CHAF1A: variants seen among roughly 807,000 people sequenced by gnomAD.
CHAF1A encodes the protein CAF-1 subunit A.
In CHAF1A, 5 loss-of-function variants were observed where a neutral mutation model predicts 93.2. The observed-to-expected ratio is 0.05, with a 90% CI of 0.03 to 0.11. The LOEUF (loss-of-function observed/expected upper bound fraction) is 0.11, where lower values mean the gene tolerates loss of function less well. CHAF1A is among the 10% of genes least tolerant of loss of function. CHAF1A has a pLI of 1.00. For synonymous variants in CHAF1A, 504 were observed against 510.3 expected, an observed-to-expected ratio of 0.99 and a Z score of 0.17; for missense variants, 1,102 against 1,259.9, an observed-to-expected ratio of 0.87 and a Z score of 1.90.
At chr19:4,444,001 G>A (rs931494626), downstream of CHAF1A, among the ~76,000 whole-genome samples, 3 of 152,206 alleles carry the variant, frequency 2.0e-5, no homozygotes, top group Non-Finnish European at 4.4e-5. Flanking sequence ...AGTCAGGGAC[G>A]GCAGGGCGCC....
chr19:4,429,347 T>C (rs1974139497), intron 8 of CHAF1A, 91 bp from the exon 9 acceptor site: 5 of 1,435,188 alleles, frequency 3.5e-6, no homozygotes, highest in East Asian at 4.6e-5. Context: ...TTTCTAGAAT[T>C]GTTAGGCCAG....
chr19:4,446,978 AC>A, downstream of CHAF1A: 1 of 1,545,018 alleles, frequency 6.5e-7, no homozygotes, highest in Non-Finnish European at 8.9e-7. Context: ...GCCTGGCCAC[AC>A]CCCACCCAGT....
downstream of CHAF1A, chr19:4,446,492 A>G (rs1018118669): frequency 6.2e-7 from 1 of 1,604,106 alleles, no homozygotes; most frequent in Non-Finnish European, 8.5e-7. Flanking sequence ...CGCGGACGTC[A>G]GGCCCACCTG....
At chr19:4,410,386 CTTT>C (rs71166992) in intron 3 of CHAF1A, among the ~76,000 whole-genome samples, 1 of 137,500 alleles carries the variant, frequency 7.3e-6, no homozygotes. Context: ...AAAAAAATTA[CTTT>C]TTTTTTTTTT....
chr19:4,404,567 A>G (rs1973646264), intron 1 of CHAF1A, among the ~76,000 whole-genome samples: 1 of 152,152 alleles, frequency 6.6e-6, no homozygotes, highest in African/African-American at 2.4e-5. Flanking sequence ...TTTTCTCAGT[A>G]CCTTTTCTTA....
rs764500811 is a variant in CHAF1A, at chr19:4,409,044, G to T, written c.245G>T (p.Gly82Val). The change falls in exon 3 of 15, where the codon GGT becomes GTT. Residue 82 changes from glycine (G) to valine (V), a missense_variant. Physicochemically the swap from Gly to Val is moderately radical, Grantham distance 109. Transcript: ENST00000301280. ...LDTLENNCHV[G>V]SDIDFRPKLV... Reference sequence around the variant, plus strand: ...ACCTTGGAAAACAACTGTCATGTGGGTTCTGACATAGACTTTAGACCGAAA... The same window carrying T: ...ACCTTGGAAAACAACTGTCATGTGGTTTCTGACATAGACTTTAGACCGAAA... 23 of 1,614,048 alleles carry T rather than the reference G, an allele frequency of 1.4e-5. No individual in the cohort carries two copies. Among genetic ancestry groups the T allele is most frequent in the Middle Eastern group, 3.3e-4 (2 of 6,084 alleles).
Position 4,443,107 on chromosome 19 carries a change from G to A in CHAF1A, c.*82G>A. The A allele has an allele frequency of 1.1e-6, 1 of 926,306 alleles. No homozygotes were observed. The highest frequency in any genetic ancestry group is 1.7e-6 in the Non-Finnish European group (1 of 575,892). 57.4% of individuals were successfully genotyped at this position (926,306 alleles called of 1,614,324 possible). A position where few individuals can be genotyped will look rare whatever the true frequency, so the allele number is the denominator to read the frequency against. ...TGAACCGACTCAATTCCTGTGTAAA[G>A]AGCACTTTGTCCTGCTTCACGGACC... On this transcript the variant is annotated 3_prime_UTR_variant, in exon 15 of 15. Transcript: ENST00000301280.
rs397772805 is a variant in CHAF1A, at chr19:4,407,462, GA to G, written c.104-1429del. On this transcript the variant is annotated intron_variant, in intron 2 of 14. Transcript: ENST00000301280. ...AGAGCCTAGGGTGCTGAGGCCAGGA[GA>G]AAAAAAAAAAACCCTGTCCACAAAT... 9.0e-3 allele frequency among the ~76,000 whole-genome samples: 582 copies of G among 64,782 alleles called. 4 individuals carry two copies. Among genetic ancestry groups the G allele is most frequent in the Middle Eastern group, 0.016 (2 of 122 alleles). The allele number at this position is 64,782 out of a possible 152,430, so 42.5% of individuals were successfully genotyped here. A position where few individuals can be genotyped will look rare whatever the true frequency, so the allele number is the denominator to read the frequency against.
intron 13 of CHAF1A, among the ~76,000 whole-genome samples, chr19:4,441,318 G>A (rs243379): frequency 0.54 from 81,124 of 151,492 alleles, 22,149 homozygotes; most frequent in Admixed American, 0.71. Context: ...TCTGTCTCAA[G>A]ATTTATATAT....
At chr19:4,413,829 A>G (rs370844208) in intron 3 of CHAF1A, among the ~76,000 whole-genome samples, 16 of 152,308 alleles carry the variant, frequency 1.1e-4, no homozygotes, top group African/African-American at 3.4e-4. Context: ...CAATGATTTA[A>G]AAAGATCCCC....
At chr19:4,446,645 GT>G (rs1230716250), downstream of CHAF1A, 2 of 1,612,570 alleles carry the variant, frequency 1.2e-6, no homozygotes, top group South Asian at 1.1e-5. Flanking sequence ...GCCAGCAGCT[GT>G]TCCTTGTGCC....
chr19:4,419,576 C>T (rs1396115137), intron 4 of CHAF1A, among the ~76,000 whole-genome samples: 1 of 151,930 alleles, frequency 6.6e-6, no homozygotes, highest in Non-Finnish European at 1.5e-5. Flanking sequence ...ATTATAGGCA[C>T]GAGCCACCAC....
chr19:4,426,521 C>A (rs2145116456), intron 7 of CHAF1A, among the ~76,000 whole-genome samples: 1 of 151,680 alleles, frequency 6.6e-6, no homozygotes, highest in South Asian at 2.1e-4. Context: ...ATTGCCCAGG[C>A]TGGAGTGCAG....
At chr19:4,416,161 G>A (rs1181174485) in intron 3 of CHAF1A, among the ~76,000 whole-genome samples, 3 of 151,908 alleles carry the variant, frequency 2.0e-5, no homozygotes, top group South Asian at 2.1e-4. Context: ...GCGACAGAGC[G>A]AGACTCCGTC....
chr19:4,429,850 A>T (rs1974149582), intron 10 of CHAF1A, 62 bp downstream of exon 10: 1 of 1,424,502 alleles, frequency 7.0e-7, no homozygotes, highest in Non-Finnish European at 9.7e-7. Flanking sequence ...TCTGTCCCAC[A>T]GTGAGGGGCT....
In CHAF1A at chr19:4,429,737, TGAG is replaced by T; in HGVS notation, c.1807_1809del (p.Glu603del). 5 of 1,614,032 alleles carry T rather than the reference TGAG, an allele frequency of 3.1e-6. No homozygotes were observed. Among genetic ancestry groups the T allele is most frequent in the Non-Finnish European group, 4.2e-6 (5 of 1,179,978 alleles). ...TCCTGGACTATGAGGTGGACAGTGA[TGAG>T]GAGTGGGAAGAAGAGGAGCCTGGGG... On this transcript the variant is annotated inframe_deletion, in exon 10 of 15. Coordinates refer to ENST00000301280, the MANE Select transcript of CHAF1A (RefSeq NM_005483.3).
downstream of CHAF1A, among the ~76,000 whole-genome samples, chr19:4,443,855 C>T (rs1974445413): frequency 6.6e-6 from 1 of 152,194 alleles, no homozygotes; most frequent in Admixed American, 6.5e-5. Flanking sequence ...TGGTACTGAG[C>T]AGCTCAGAGC....
rs1032215216 is a variant in CHAF1A at position 4,422,265 on chromosome 19, C to T, written c.1018-301C>T. On this transcript the variant is annotated intron_variant, in intron 4 of 14. Coordinates refer to ENST00000301280, the MANE Select transcript of CHAF1A (RefSeq NM_005483.3). This position sits in a 1 kb window ranked among gnomAD's most constrained non-coding sequence, Gnocchi z 4.6. ...CTGACCTCAGGTGATCCACTTGCCT[C>T]GGCCTCCCAAAGTGCTGGGATTACA... is the stretch of plus-strand genomic sequence containing the variant. Among the ~76,000 whole-genome samples the T allele has an allele frequency of 3.9e-5, 6 of 152,154 alleles. No individual in the cohort carries two copies. The East Asian group carries it at 7.7e-4, about 20-fold the overall frequency.
In CHAF1A at chr19:4,433,152, C is replaced by T; in HGVS notation, c.2286C>T (p.Arg762=). Residue 762 remains arginine (R), a synonymous_variant, in exon 13 of 15, where the codon CGC becomes CGT. Coordinates refer to ENST00000301280, the MANE Select transcript of CHAF1A (RefSeq NM_005483.3). This position sits in a 1 kb window ranked among gnomAD's most constrained non-coding sequence, Gnocchi z 5.6. ...TCCGGGAGTTCCAGGAGCACTGCCG[C>T]CGGGGACTGCTCAGCAACCACACCG... is the stretch of plus-strand genomic sequence containing the variant. ...VIIREFQEHC[R]RGLLSNHTGS... is the part of the protein sequence containing the mutation. 2 of 1,613,532 alleles carry T rather than the reference C, an allele frequency of 1.2e-6. No homozygotes were observed. Among genetic ancestry groups the T allele is most frequent in the South Asian group, 1.1e-5 (1 of 91,072 alleles).
Sources: gnomAD v4.1 joint callset for allele counts (sites outside exome capture counted in the v4.1 genomes callset) on GRCh38, gnomAD v4.1.1 for gene constraint, Gnocchi (gnomAD v3.1) non-coding constraint, MANE v1.5 for transcripts, NCBI Gene and HGNC (gene_info 2026-07-23, HGNC 2026-07-21) for gene names.